The following PCDHA1 variants were observed in gnomAD, a reference collection of about 807,000 sequenced individuals.
PCDHA1 encodes the protein protocadherin alpha 1.
PCDHA1 carries 42 observed loss-of-function variants against 61.3 expected under a neutral mutation model. That is an observed-to-expected ratio of 0.69 (90% CI 0.54 to 0.89). The LOEUF is 0.89. PCDHA1 is among the 40% of genes least tolerant of loss of function. The pLI is 0.00. For missense variants in PCDHA1, 1,256 were observed against 1,235.3 expected, an observed-to-expected ratio of 1.02 and a Z score of -0.25; for synonymous variants, 610 against 553.8, an observed-to-expected ratio of 1.10 and a Z score of -1.43.
chr5:140,829,817 G>T (rs1581889667), intron 1 of PCDHA1: 1 of 1,613,890 alleles, frequency 6.2e-7, no homozygotes, highest in Non-Finnish European at 8.5e-7. Context: ...TACTGGTGGT[G>T]CAGTGAGCGA....
At chr5:140,850,986 T>A in intron 1 of PCDHA1, 1 of 1,450,124 alleles carries the variant, frequency 6.9e-7, no homozygotes, top group Non-Finnish European at 9.1e-7. Flanking sequence ...TTTATTCATT[T>A]TTCTAGAAAT....
intron 1 of PCDHA1, chr5:140,850,322 C>T (rs2150479524): frequency 2.5e-6 from 4 of 1,597,492 alleles, no homozygotes; most frequent in Non-Finnish European, 3.4e-6. Flanking sequence ...GGCTTTCATA[C>T]GAGCTGCAGC....
intron 1 of PCDHA1, chr5:140,930,358 T>G (rs1253370170): frequency 6.6e-6 from 1 of 152,216 alleles, no homozygotes; most frequent in Non-Finnish European, 1.5e-5. Context: ...AATATTTCAA[T>G]TTATCTGTTA....
chr5:140,993,368 T>A (rs1354951477), intron 3 of PCDHA1, among the ~76,000 whole-genome samples: 2 of 151,944 alleles, frequency 1.3e-5, no homozygotes, highest in Middle Eastern at 6.8e-3. Flanking sequence ...AAAAACTACC[T>A]CCCAGCCGGG....
At chr5:140,831,694 A>G (rs1771669768) in intron 1 of PCDHA1, among the ~76,000 whole-genome samples, 1 of 152,076 alleles carries the variant, frequency 6.6e-6, no homozygotes. Context: ...AAAGCAGCAA[A>G]AAGTAGTGAT....
chr5:140,992,377 A>T (rs1258714441), intron 3 of PCDHA1, among the ~76,000 whole-genome samples: 1 of 152,150 alleles, frequency 6.6e-6, no homozygotes, highest in African/African-American at 2.4e-5. Flanking sequence ...CCATTACATT[A>T]TTGTGTTCTG....
At chr5:140,979,537 A>G (rs538323100) in intron 2 of PCDHA1, among the ~76,000 whole-genome samples, 1 of 152,332 alleles carries the variant, frequency 6.6e-6, no homozygotes, top group East Asian at 1.9e-4. Context: ...ATTGTCATCA[A>G]TGACATGGTT....
intron 1 of PCDHA1, chr5:140,831,298 C>G (rs2150193348): frequency 1.3e-5 from 2 of 152,070 alleles, no homozygotes; most frequent in Non-Finnish European, 2.9e-5. Context: ...GAGTCTAAAT[C>G]TATTTCTTTG....
In PCDHA1 at chr5:140,786,647, G is replaced by A. The variant is rs73278757; in HGVS notation, c.357G>A (p.Val119=). Residue 119 remains valine, a synonymous_variant, in exon 1 of 4, where the codon GTG becomes GTA. Coordinates refer to ENST00000504120, the MANE Select transcript of PCDHA1 (RefSeq NM_018900.4). ...IADRPLQVFH[V]EVKVKDINDN... is the part of the protein sequence containing the mutation. The stretch of plus-strand genomic sequence containing the variant: ...ACAGGCCGCTGCAGGTTTTCCATGT[G>A]GAGGTGAAGGTGAAAGACATTAACG... 5.7e-4 allele frequency: 924 copies of A among 1,614,260 alleles called. 2 individuals are homozygous for A. The African/African-American group carries it at 0.011, about 19-fold the overall frequency.
At chr5:140,927,716 G>T (rs782756674) in intron 1 of PCDHA1, 1 of 1,614,190 alleles carries the variant, frequency 6.2e-7, no homozygotes, top group South Asian at 1.1e-5. Context: ...CTAAGCAACA[G>T]CACGCAAGCA....
chr5:140,968,506 G>T (rs781902536), intron 1 of PCDHA1: 2 of 1,614,176 alleles, frequency 1.2e-6, no homozygotes, highest in South Asian at 2.2e-5. Context: ...CTCACATTCT[G>T]TACCCTACCT....
rs782684247 is a variant in PCDHA1, at chr5:140,870,024, A to T, written c.2394+81340A>T. The T allele has an allele frequency of 3.1e-6, 5 of 1,613,624 alleles. No individual in the cohort carries two copies. The Admixed American group carries it at 6.7e-5, about 22-fold the overall frequency. On this transcript the variant is annotated intron_variant, in intron 1 of 3. Coordinates refer to ENST00000504120, the MANE Select transcript of PCDHA1 (RefSeq NM_018900.4). The stretch of plus-strand genomic sequence containing the variant: ...GAGAAGTGAGGGTCAATGGAACTTT[A>T]GATTATGAAGAAAACAAGTTTTATA...
chr5:140,840,817 C>T (rs1422232698), intron 1 of PCDHA1, among the ~76,000 whole-genome samples: 1 of 152,040 alleles, frequency 6.6e-6, no homozygotes, highest in Non-Finnish European at 1.5e-5. Context: ...ACCAGTGTTT[C>T]TGGTGACCAA....
At position 140,787,503 on chromosome 5, in the gene PCDHA1, T is replaced by C. The variant is rs1761375973; in HGVS notation, c.1213T>C (p.Tyr405His). 1 of 1,614,212 alleles carries C rather than the reference T, an allele frequency of 6.2e-7. No homozygotes were observed. ...FKLVSTFKNY[Y>H]SLVLDSALDR... is the part of the protein sequence containing the mutation. ...GCTGGTGTCCACCTTCAAGAATTACTACTCGTTGGTGTTGGACAGCGCCCT... is the reference window on the plus strand; with the variant it reads ...GCTGGTGTCCACCTTCAAGAATTACCACTCGTTGGTGTTGGACAGCGCCCT... Residue 405 changes from tyrosine (Y) to histidine (H), a missense_variant, in exon 1 of 4, where the codon TAC becomes CAC. Transcript: ENST00000504120.
At chr5:140,957,043 A>C (rs2095328677) in intron 1 of PCDHA1, among the ~76,000 whole-genome samples, 3 of 152,196 alleles carry the variant, frequency 2.0e-5, no homozygotes, top group Admixed American at 2.0e-4. Flanking sequence ...GGAGTCATAT[A>C]AAATAAATTA....
At chr5:140,823,024 G>A (rs2150121461) in intron 1 of PCDHA1, 3 of 1,614,202 alleles carry the variant, frequency 1.9e-6, no homozygotes, top group Admixed American at 1.7e-5. Context: ...CCGCGAGAGC[G>A]TGTCGGTCTA....
At chr5:141,001,253 C>T (rs896546841) in intron 3 of PCDHA1, among the ~76,000 whole-genome samples, 22 of 152,078 alleles carry the variant, frequency 1.4e-4, no homozygotes, top group African/African-American at 5.1e-4. Flanking sequence ...CCCTATGGGG[C>T]GGGCACTCTT....
At chr5:140,862,076 C>A (rs782160778) in intron 1 of PCDHA1, 1 of 157,430 alleles carries the variant, frequency 6.4e-6, no homozygotes, top group Non-Finnish European at 1.4e-5. Context: ...TCTCCCCTAA[C>A]ATAGAAGCCC....
intron 1 of PCDHA1, among the ~76,000 whole-genome samples, chr5:140,932,330 G>A (rs1339060592): frequency 6.6e-6 from 1 of 151,860 alleles, no homozygotes; most frequent in African/African-American, 2.4e-5. Context: ...TAGCAAAAAT[G>A]CATGAAACAC....
Sources: allele counts gnomAD v4.1 joint callset (sites outside exome capture counted in the v4.1 genomes callset), GRCh38; gene constraint gnomAD v4.1.1; transcripts MANE v1.5; gene names NCBI Gene and HGNC (gene_info 2026-07-23, HGNC 2026-07-21).